Variants in PRIMA1 observed in about 807,000 individuals in gnomAD.
PRIMA1 encodes the protein proline-rich membrane anchor 1.
PRIMA1 carries 7 observed loss-of-function variants against 17.5 expected under a neutral mutation model. The observed-to-expected ratio is 0.40, with a 90% CI of 0.23 to 0.75. PRIMA1 has a LOEUF of 0.75. Among genes scored for constraint, PRIMA1 ranks in the 30% least tolerant of loss-of-function variants. PRIMA1 has a pLI of 0.37. For missense variants in PRIMA1, 200 were observed against 201.8 expected (o/e 0.99, Z 0.05); for synonymous variants, 97 against 77.9 (o/e 1.25, Z -1.29).
At position 93,747,493 on chromosome 14, in the gene PRIMA1, T is replaced by C. The variant is rs1486094196; in HGVS notation, c.230-10123A>G. 2.6e-5 allele frequency among the ~76,000 whole-genome samples: 4 copies of C among 152,058 alleles called. No individual in the cohort carries two copies. In the South Asian group the frequency reaches 8.3e-4, roughly 32 times the overall value. On this transcript the variant is annotated intron_variant, in intron 3 of 4. Coordinates refer to ENST00000393140, the MANE Select transcript of PRIMA1 (RefSeq NM_178013.4). ...AAGGGAGCGGCATCGTGGAGCCATA[T>C]CTGGGGGGAGAAGTCATGGGAAGGA...
chr14:93,771,856 G>T (rs775336872), intron 3 of PRIMA1, among the ~76,000 whole-genome samples: 6 of 152,140 alleles, frequency 3.9e-5, no homozygotes, highest in Non-Finnish European at 8.8e-5. Context: ...GAAAGGAAAG[G>T]GGGGTCCCTG....
At chr14:93,770,466 T>C (rs10140687) in intron 3 of PRIMA1, among the ~76,000 whole-genome samples, 39,560 of 152,068 alleles carry the variant, frequency 0.26, 5,528 homozygotes, top group African/African-American at 0.34. Flanking sequence ...ACAGCCAGAG[T>C]GCTTCTCCAC....
intron 4 of PRIMA1, among the ~76,000 whole-genome samples, chr14:93,733,205 G>A (rs887338135): frequency 1.3e-5 from 2 of 152,166 alleles, no homozygotes; most frequent in Non-Finnish European, 2.9e-5. Context: ...CCTGGCTAAT[G>A]TACCTCTTTA....
rs1566972320 is a variant in PRIMA1 at position 93,759,000 on chromosome 14, C to A, written c.229+20176G>T. On this transcript the variant is annotated intron_variant, in intron 3 of 4. Transcript: ENST00000393140. ...TAGTAGGTGTTCAGTAAATGGTTCA[C>A]AAGTGAATCTGGAATAGCCCAAAAC... Among the ~76,000 whole-genome samples, 6 of 152,276 alleles carry A rather than the reference C, an allele frequency of 3.9e-5. No homozygotes were observed. In the South Asian group the frequency reaches 8.3e-4, roughly 21 times the overall value.
intron 2 of PRIMA1, among the ~76,000 whole-genome samples, chr14:93,783,113 A>G (rs10130158): frequency 0.11 from 16,533 of 152,136 alleles, 1,122 homozygotes; most frequent in Admixed American, 0.21. Flanking sequence ...GGACATTTCC[A>G]TGCTATTTTG....
chr14:93,770,665 AT>A (rs1885032961), intron 3 of PRIMA1, among the ~76,000 whole-genome samples: 1 of 151,910 alleles, frequency 6.6e-6, no homozygotes, highest in South Asian at 2.1e-4. Context: ...GTTATCTTCC[AT>A]TTTTCCTGTG....
At chr14:93,746,527 G>A (rs2076219372) in intron 3 of PRIMA1, among the ~76,000 whole-genome samples, 1 of 152,112 alleles carries the variant, frequency 6.6e-6, no homozygotes, top group Non-Finnish European at 1.5e-5. Flanking sequence ...CCTAGAGGGA[G>A]TCGCGAGGGG....
At chr14:93,737,504 A>G (rs975110077) in intron 3 of PRIMA1, 134 bp from the exon 4 acceptor site, 15 of 1,032,626 alleles carry the variant, frequency 1.5e-5, no homozygotes, top group Admixed American at 7.3e-5. Flanking sequence ...GGTGACACCA[A>G]CAGAGGCGTG....
intron 4 of PRIMA1, among the ~76,000 whole-genome samples, chr14:93,736,829 T>G (rs919529754): frequency 1.3e-5 from 2 of 152,258 alleles, no homozygotes; most frequent in Non-Finnish European, 2.9e-5. Flanking sequence ...TTTTAAAAAC[T>G]TCCTTAGAAA....
chr14:93,739,213 C>A (rs1350090730), intron 3 of PRIMA1, among the ~76,000 whole-genome samples: 2 of 152,058 alleles, frequency 1.3e-5, no homozygotes, highest in Non-Finnish European at 2.9e-5. Flanking sequence ...CCACCATGCC[C>A]AGCTAATTTT....
At chr14:93,721,595 G>A (rs369795354) in intron 4 of PRIMA1, 49 bp from the exon 5 acceptor site, 5 of 1,123,800 alleles carry the variant, frequency 4.4e-6, no homozygotes, top group African/African-American at 1.5e-5. Context: ...GGGAGGCAGG[G>A]ACACCATTAG....
At chr14:93,769,873 T>C (rs1014741962) in intron 3 of PRIMA1, among the ~76,000 whole-genome samples, 2 of 152,166 alleles carry the variant, frequency 1.3e-5, no homozygotes, top group African/African-American at 2.4e-5. Flanking sequence ...AACACACTGA[T>C]GGTGGAGGTG....
intron 3 of PRIMA1, 123 bp downstream of exon 3, chr14:93,779,053 C>T: frequency 1.4e-6 from 1 of 698,134 alleles, no homozygotes; most frequent in Non-Finnish European, 2.3e-6. Context: ...CTTGGCTTCC[C>T]TCCTGCTTGG....
intron 3 of PRIMA1, among the ~76,000 whole-genome samples, chr14:93,747,653 T>G (rs1397930483): frequency 6.9e-6 from 1 of 145,644 alleles, no homozygotes; most frequent in Non-Finnish European, 1.5e-5. Flanking sequence ...GTATTGTGTA[T>G]GAGTGTGTGA....
rs557016984 is a variant in PRIMA1 at position 93,784,912 on chromosome 14, G to A, written c.93+2714C>T. The stretch of plus-strand genomic sequence containing the variant: ...ACAAAGGGCCTGGCATACAGTAGGC[G>A]CCCAATAAATGCTGCCGAATGAATC... On this transcript the variant is annotated intron_variant, in intron 2 of 4. Coordinates refer to ENST00000393140, the MANE Select transcript of PRIMA1 (RefSeq NM_178013.4). Among the ~76,000 whole-genome samples, 12 of 152,170 alleles carry A rather than the reference G, an allele frequency of 7.9e-5. No homozygotes were observed. In the East Asian group the frequency reaches 1.5e-3, roughly 20 times the overall value.
chr14:93,763,677 A>G (rs1256100683), intron 3 of PRIMA1, among the ~76,000 whole-genome samples: 1 of 152,112 alleles, frequency 6.6e-6, no homozygotes, highest in Non-Finnish European at 1.5e-5. Flanking sequence ...CCCGTCTGCT[A>G]ATCGGTGAGC....
chr14:93,722,875 A>G (rs1207796582), intron 4 of PRIMA1, among the ~76,000 whole-genome samples: 3 of 73,794 alleles, frequency 4.1e-5, no homozygotes, highest in Non-Finnish European at 5.9e-5. Flanking sequence ...AAGTTAGTAC[A>G]CATCAGTGGT....
intron 3 of PRIMA1, among the ~76,000 whole-genome samples, chr14:93,761,987 A>T (rs1884739900): frequency 6.6e-6 from 1 of 152,162 alleles, no homozygotes; most frequent in African/African-American, 2.4e-5. Context: ...GACACCCCTC[A>T]CATGGTATTG....
chr14:93,762,344 T>C lies in PRIMA1; in HGVS notation c.229+16832A>G, dbSNP rs994852707. 5.3e-5 allele frequency among the ~76,000 whole-genome samples: 8 copies of C among 152,144 alleles called. No homozygotes were observed. In the East Asian group the frequency reaches 1.5e-3, roughly 29 times the overall value. ...CGGCCTCATCAAATCCCTGCTGGGA[T>C]TGGAGCTGTTGCTCGGTGGGTTGGC... On this transcript the variant is annotated intron_variant, in intron 3 of 4. Transcript: ENST00000393140.
Sources: gnomAD v4.1 joint callset for allele counts (sites outside exome capture counted in the v4.1 genomes callset) on GRCh38, gnomAD v4.1.1 for gene constraint, MANE v1.5 for transcripts, NCBI Gene and HGNC (gene_info 2026-07-23, HGNC 2026-07-21) for gene names.